METTL22: variants seen among roughly 807,000 people sequenced by gnomAD.
METTL22 encodes the protein methyltransferase 22, Kin17 lysine, also known as methyltransferase-like protein 22.
A neutral mutation model predicts 48.4 loss-of-function variants in METTL22; 51 were observed. The ratio of observed to expected loss-of-function variants is 1.05; its 90% CI spans 0.84 to 1.33. The LOEUF (loss-of-function observed/expected upper bound fraction) is 1.33, where lower values mean the gene tolerates loss of function less well. Ranked by LOEUF, METTL22 falls within the 40% of genes most tolerant of loss-of-function variation. METTL22 has a pLI of 0.00. For synonymous variants in METTL22, 255 were observed against 214.1 expected (o/e 1.19, Z -1.67); for missense variants, 678 against 526.9 (o/e 1.29, Z -2.81).
downstream of METTL22, among the ~76,000 whole-genome samples, chr16:8,649,977 G>C (rs570750109): frequency 1.3e-5 from 2 of 152,120 alleles, no homozygotes; most frequent in East Asian, 3.9e-4. Flanking sequence ...GATGATGCTC[G>C]TCTGTGGGCC....
rs763556818 is a variant in METTL22 at position 8,642,181 on chromosome 16, A to G, written c.881A>G (p.His294Arg). The G allele has an allele frequency of 6.2e-7, 1 of 1,613,648 alleles. No individual in the cohort carries two copies. The highest frequency in any genetic ancestry group is 1.1e-5 in the South Asian group (1 of 91,072). The change falls in exon 8 of 11, where the codon CAC becomes CGC. Residue 294 changes from histidine to arginine, a missense_variant. His to Arg is a conservative substitution (Grantham distance 29, BLOSUM62 0). Coordinates refer to ENST00000381920, the MANE Select transcript of METTL22 (RefSeq NM_024109.4). The part of the protein sequence containing the change: ...SQEEISDLYD[H>R]TTILFAAEVF... The stretch of plus-strand genomic sequence containing the variant: ...GAGGAAATTTCTGACTTGTACGATC[A>G]CACCACCATCCTGTTTGCAGCCGAA...
the METTL22 span, among the ~76,000 whole-genome samples, chr16:8,657,326 C>T: frequency 1.3e-5 from 2 of 152,180 alleles, no homozygotes; most frequent in South Asian, 4.2e-4. Flanking sequence ...ATATTATTCT[C>T]GGTTGAGGCT....
chr16:8,653,435 C>T (rs527378327), downstream of METTL22, among the ~76,000 whole-genome samples: 9 of 152,250 alleles, frequency 5.9e-5, no homozygotes, highest in South Asian at 1.9e-3. Flanking sequence ...TCTTGTCAGG[C>T]CTATCTGGCA....
chr16:8,638,507 A>G (rs1332113614), intron 5 of METTL22, among the ~76,000 whole-genome samples: 1 of 152,094 alleles, frequency 6.6e-6, no homozygotes, highest in Non-Finnish European at 1.5e-5. Flanking sequence ...GCTGGGAGGG[A>G]GATCTGGGTG....
chr16:8,633,197 T>A (rs899900554), intron 3 of METTL22, among the ~76,000 whole-genome samples: 1 of 152,158 alleles, frequency 6.6e-6, no homozygotes, highest in Non-Finnish European at 1.5e-5. Flanking sequence ...GCCTTCAGCC[T>A]GCCCAGCGAG....
At chr16:8,645,925 A>T (rs1055547990) in intron 10 of METTL22, 183 bp from the exon 11 acceptor site, 13 of 962,018 alleles carry the variant, frequency 1.4e-5, no homozygotes, top group Non-Finnish European at 1.5e-5. Context: ...GCCACAGTAA[A>T]ATAGAACAGC....
chr16:8,645,933 A>G (rs1360473065), intron 10 of METTL22, 175 bp from the exon 11 acceptor site: 20 of 1,256,166 alleles, frequency 1.6e-5, no homozygotes, highest in East Asian at 3.1e-5. Flanking sequence ...AAAATAGAAC[A>G]GCCCAGAGCA....
chr16:8,666,012 A>C, the METTL22 span, among the ~76,000 whole-genome samples: 1 of 152,228 alleles, frequency 6.6e-6, no homozygotes, highest in Non-Finnish European at 1.5e-5. Context: ...AGCTGTGGCC[A>C]CAGGTGATGG....
At chr16:8,651,890 G>A (rs373343930), downstream of METTL22, among the ~76,000 whole-genome samples, 28 of 152,154 alleles carry the variant, frequency 1.8e-4, no homozygotes, top group Non-Finnish European at 3.2e-4. Context: ...GAGGGAGAGC[G>A]TTAGGACAAA....
At chr16:8,641,917 C>G in intron 7 of METTL22, 3 of 610,428 alleles carry the variant, frequency 4.9e-6, no homozygotes. Context: ...AGCAGACACT[C>G]AGCAGAAAAG....
chr16:8,623,416 A>G (rs1451083560), intron 1 of METTL22, among the ~76,000 whole-genome samples: 4 of 152,072 alleles, frequency 2.6e-5, no homozygotes, highest in African/African-American at 7.2e-5. Flanking sequence ...ACCCCCTTCA[A>G]AAAAAACTGT....
chr16:8,638,302 A>G (rs2056486092), intron 5 of METTL22, among the ~76,000 whole-genome samples: 1 of 152,112 alleles, frequency 6.6e-6, no homozygotes, highest in Non-Finnish European at 1.5e-5. Context: ...AGTCCCAGGG[A>G]GATTGCACTG....
chr16:8,625,329 G>A (rs1162334534), intron 1 of METTL22, among the ~76,000 whole-genome samples, 167 bp from the exon 2 acceptor site: 1 of 151,212 alleles, frequency 6.6e-6, no homozygotes, highest in Non-Finnish European at 1.5e-5. Flanking sequence ...AAATTTTTTT[G>A]TAATAAGTTG....
rs1330519900 is a variant in METTL22 at position 8,648,814 on chromosome 16, A to C, written c.*2671A>C. ...AAAAAGAAGAAAAGTATCAAGCCTC[A>C]GCTCAGGACGTGATTCCGAATCTGC... On this transcript the variant is annotated 3_prime_UTR_variant, in exon 11 of 11. Coordinates refer to ENST00000381920, the MANE Select transcript of METTL22 (RefSeq NM_024109.4). 6.6e-6 allele frequency: 1 copy of C among 152,302 alleles called. No individual in the cohort carries two copies. The highest frequency in any genetic ancestry group is 1.5e-5 in the Non-Finnish European group (1 of 68,104). The allele number at this position is 152,302 out of a possible 1,614,324, so 9.4% of individuals were successfully genotyped here.
In METTL22 at chr16:8,625,765, C is replaced by T. The variant is rs769002393; in HGVS notation, c.100C>T (p.Leu34Phe). The change falls in exon 2 of 11, where the codon CTC (leucine) becomes TTC (phenylalanine). Residue 34 changes from leucine (L) to phenylalanine (F), a missense_variant. Coordinates refer to ENST00000381920, the MANE Select transcript of METTL22 (RefSeq NM_024109.4). ...CCTCTATACCCCGAACCATAGACATCTCATGGTACGGCTGAACAGCGTGGG... is the reference window on the plus strand; with the variant it reads ...CCTCTATACCCCGAACCATAGACATTTCATGGTACGGCTGAACAGCGTGGG... ...VHLYTPNHRHLMVRLNSVGQP... is the reference protein window; with the variant it reads ...VHLYTPNHRHFMVRLNSVGQP... 1 of 1,614,200 alleles carries T rather than the reference C, an allele frequency of 6.2e-7. No homozygotes were observed. The highest frequency in any genetic ancestry group is 8.5e-7 in the Non-Finnish European group (1 of 1,180,036).
chr16:8,662,538 G>C, the METTL22 span, among the ~76,000 whole-genome samples: 3 of 144,542 alleles, frequency 2.1e-5, no homozygotes, highest in Non-Finnish European at 4.6e-5. Flanking sequence ...TGTTTCTTTG[G>C]AGCGTTTCTT....
At chr16:8,624,060 G>A (rs939770864) in intron 1 of METTL22, 6 of 152,218 alleles carry the variant, frequency 3.9e-5, no homozygotes, top group African/African-American at 1.4e-4. Flanking sequence ...GTGAGATTGT[G>A]GCTGAAGAAA....
chr16:8,657,820 C>CTTTTTTTTTTTTTTTTTTTTTTTTT, the METTL22 span, among the ~76,000 whole-genome samples: 281 of 137,192 alleles, frequency 2.0e-3, 11 homozygotes, highest in Non-Finnish European at 3.3e-3. Flanking sequence ...CTTTTCTTTT[C>CTTTTTTTTTTTTTTTTTTTTTTTTT]TTTCTTTTTT....
Position 8,644,381 on chromosome 16 carries a change from G to T in METTL22, c.1011-176G>T, listed in dbSNP as rs115823646. ...GCTATCCACTTCCACCTCCTGGGCT[G>T]TCGTGCAGATGTAGGAAGGAATTGC... is the stretch of plus-strand genomic sequence containing the variant. On this transcript the variant is annotated intron_variant, in intron 9 of 10. Coordinates refer to ENST00000381920, the MANE Select transcript of METTL22 (RefSeq NM_024109.4). 1.2e-3 allele frequency: 709 copies of T among 592,882 alleles called. 3 individuals are homozygous for T. The African/African-American group carries it at 0.012, about 10-fold the overall frequency. The allele number at this position is 592,882 out of a possible 1,614,324, so 36.7% of individuals were successfully genotyped here.
Sources: allele counts gnomAD v4.1 joint callset (sites outside exome capture counted in the v4.1 genomes callset), GRCh38; gene constraint gnomAD v4.1.1; transcripts MANE v1.5; gene names NCBI Gene and HGNC (gene_info 2026-07-23, HGNC 2026-07-21).